NEK1: variants seen among roughly 807,000 people sequenced by gnomAD.
NEK1 encodes the protein NIMA related kinase 1, also known as serine/threonine-protein kinase Nek1.
Under a neutral mutation model 182.1 loss-of-function variants are expected in NEK1, and 137 were observed. The ratio of observed to expected loss-of-function variants is 0.75; its 90% CI spans 0.65 to 0.87. The LOEUF (loss-of-function observed/expected upper bound fraction) is 0.87, where lower values mean the gene tolerates loss of function less well. Ranked by LOEUF, NEK1 falls within the 40% of genes least tolerant of loss-of-function variation. NEK1 has a pLI of 0.00. For missense variants in NEK1, 1,391 were observed against 1,494.4 expected, an observed-to-expected ratio of 0.93 and a Z score of 1.14; for synonymous variants, 513 against 492.2, an observed-to-expected ratio of 1.04 and a Z score of -0.56.
rs765037444 is a variant in NEK1 at position 169,561,701 on chromosome 4, G to C, written c.1177C>G (p.Gln393Glu). 1.9e-6 allele frequency: 3 copies of C among 1,567,692 alleles called. No individual in the cohort carries two copies. Among genetic ancestry groups the C allele is most frequent in the African/African-American group, 2.7e-5 (2 of 73,386 alleles). ...TATCCTCTTACCCTTTCCTTTTCTTGCCTTTTCATTTGTTCAGCCTTCATT... is the reference window on the plus strand; with the variant it reads ...TATCCTCTTACCCTTTCCTTTTCTTCCCTTTTCATTTGTTCAGCCTTCATT... ...SLMKAEQMKRQEKERLERINR... is the reference protein window; with the variant it reads ...SLMKAEQMKREEKERLERINR... Residue 393 changes from glutamine to glutamate, a missense_variant, in exon 15 of 36, where the codon CAA (glutamine) becomes GAA (glutamate). This residue lies in a region of NEK1 where 1,216 missense variants were observed against 1,277.6 expected (regional missense o/e 0.95). Transcript: ENST00000507142.
intron 19 of NEK1, among the ~76,000 whole-genome samples, chr4:169,524,783 G>A (rs1446938281): frequency 6.6e-6 from 1 of 152,180 alleles, no homozygotes; most frequent in African/African-American, 2.4e-5. Context: ...ATGGAAAAAT[G>A]AAAAGGATAT....
chr4:169,555,987 C>T lies in NEK1; in HGVS notation c.1375G>A (p.Glu459Lys). ...IFDQMQQQRA[E>K]DNEAKWKREI... ...CTTTTCCATTTAGCTTCATTATCTTCTGCTCTTTGTTGCTGCATTTGGTCA... is the reference window on the plus strand; with the variant it reads ...CTTTTCCATTTAGCTTCATTATCTTTTGCTCTTTGTTGCTGCATTTGGTCA... Residue 459 changes from glutamate to lysine, a missense_variant, in exon 17 of 36, where the codon GAA (glutamate) becomes AAA (lysine). Transcript: ENST00000507142. The T allele has an allele frequency of 6.2e-7, 1 of 1,613,736 alleles. No homozygotes were observed. The highest frequency in any genetic ancestry group is 8.5e-7 in the Non-Finnish European group (1 of 1,179,792).
intron 5 of NEK1, 102 bp from the exon 6 acceptor site, chr4:169,590,911 G>A: frequency 2.6e-6 from 2 of 778,364 alleles, no homozygotes; most frequent in Non-Finnish European, 4.2e-6. Context: ...AGATATTTTA[G>A]GCTACAATTT....
chr4:169,437,153 T>C lies in NEK1; in HGVS notation c.2764+930A>G, dbSNP rs554247742. Among the ~76,000 whole-genome samples the C allele has an allele frequency of 1.8e-4, 28 of 152,306 alleles. No individual in the cohort carries two copies. In the South Asian group the frequency reaches 5.0e-3, roughly 27 times the overall value. On this transcript the variant is annotated intron_variant, in intron 28 of 35. Transcript: ENST00000507142. ...GACTGCTATCTGCTTCCCATCTTCC[T>C]TGTTTTCGAAAAGGTGTCCCAAAGG...
chr4:169,436,931 A>T (rs1738520096), intron 28 of NEK1, among the ~76,000 whole-genome samples: 1 of 152,262 alleles, frequency 6.6e-6, no homozygotes, highest in South Asian at 2.1e-4. Flanking sequence ...TGTTAACCAC[A>T]GTGAGTATCA....
chr4:169,395,435 C>T (rs1328163092), intron 35 of NEK1, among the ~76,000 whole-genome samples: 1 of 152,174 alleles, frequency 6.6e-6, no homozygotes, highest in Non-Finnish European at 1.5e-5. Flanking sequence ...TTCCCTACTA[C>T]ATTTTGCATA....
At position 169,400,666 on chromosome 4, in the gene NEK1, T is replaced by C; in HGVS notation, c.3584-15A>G. On this transcript the variant is annotated splice_polypyrimidine_tract_variant and intron_variant, in intron 33 of 35. Coordinates refer to ENST00000507142, the MANE Select transcript of NEK1 (RefSeq NM_001199397.3). ...ATCACTGTTATCTAAAAAACAAAAT[T>C]AAAATAGAGATTTGATTTAAAAAGA... The C allele has an allele frequency of 6.5e-7, 1 of 1,540,516 alleles. No individual in the cohort carries two copies. Among genetic ancestry groups the C allele is most frequent in the South Asian group, 1.2e-5 (1 of 80,882 alleles).
chr4:169,470,833 T>C (rs966700830), intron 26 of NEK1, among the ~76,000 whole-genome samples: 10 of 152,204 alleles, frequency 6.6e-5, no homozygotes, highest in Non-Finnish European at 1.5e-4. Flanking sequence ...TTCATTCTTT[T>C]TTCTCTAATC....
At position 169,537,825 on chromosome 4, in the gene NEK1, C is replaced by G; in HGVS notation, c.1649G>C (p.Arg550Pro). The stretch of plus-strand genomic sequence containing the variant: ...AATTCATACCATATGTCCTTCGGCT[C>G]GAGCTTTATTCTGCATAGCTTCCCG... Reference protein sequence around the residue: ...RKREAMQNKARAEGHMGILQN... With the variant: ...RKREAMQNKAPAEGHMGILQN... The change falls in exon 19 of 36, where the codon CGA (arginine) becomes CCA (proline). Residue 550 changes from arginine to proline, a missense_variant. Arg to Pro is a moderately radical substitution (Grantham distance 103). Coordinates refer to ENST00000507142, the MANE Select transcript of NEK1 (RefSeq NM_001199397.3). 1.9e-6 allele frequency: 3 copies of G among 1,612,698 alleles called. No homozygotes were observed. The highest frequency in any genetic ancestry group is 2.7e-5 in the African/African-American group (2 of 74,998).
chr4:169,543,462 T>C (rs925762946), intron 18 of NEK1, among the ~76,000 whole-genome samples: 1 of 152,204 alleles, frequency 6.6e-6, no homozygotes, highest in Non-Finnish European at 1.5e-5. Context: ...TTGTCTTGGC[T>C]ATGTGGGCTC....
chr4:169,492,902 C>T (rs1750380798), intron 23 of NEK1, among the ~76,000 whole-genome samples: 1 of 152,192 alleles, frequency 6.6e-6, no homozygotes, highest in African/African-American at 2.4e-5. Context: ...CTGAAGGGGG[C>T]AGCGCCAATG....
chr4:169,538,697 G>A (rs1758890423), intron 18 of NEK1, among the ~76,000 whole-genome samples: 1 of 152,080 alleles, frequency 6.6e-6, no homozygotes, highest in Non-Finnish European at 1.5e-5. Context: ...TGGAGGTAAG[G>A]AAGAAAGATG....
intron 18 of NEK1, among the ~76,000 whole-genome samples, chr4:169,545,302 T>G (rs1022044033): frequency 6.7e-6 from 1 of 149,872 alleles, no homozygotes; most frequent in African/African-American, 2.5e-5. Flanking sequence ...GAATATGCAG[T>G]GTTTGGTTTT....
chr4:169,488,021 T>G (rs1749357342), intron 23 of NEK1, among the ~76,000 whole-genome samples: 1 of 152,136 alleles, frequency 6.6e-6, no homozygotes, highest in East Asian at 1.9e-4. Flanking sequence ...AATGGACATT[T>G]TTGTTTTTTT....
intron 12 of NEK1, among the ~76,000 whole-genome samples, chr4:169,572,990 G>A (rs1431405727): frequency 6.6e-6 from 1 of 152,162 alleles, no homozygotes; most frequent in Non-Finnish European, 1.5e-5. Context: ...TAGTTGGAAG[G>A]ACATAAGGGA....
chr4:169,410,833 A>C (rs1339792688), intron 31 of NEK1, among the ~76,000 whole-genome samples: 1 of 152,074 alleles, frequency 6.6e-6, no homozygotes, highest in East Asian at 1.9e-4. Flanking sequence ...TTTTTGTCCC[A>C]CTCCCTATCC....
intron 31 of NEK1, among the ~76,000 whole-genome samples, chr4:169,408,940 T>A (rs764281225): frequency 6.6e-6 from 1 of 152,160 alleles, no homozygotes; most frequent in Non-Finnish European, 1.5e-5. Flanking sequence ...CATGGGTGTG[T>A]GTGTGTCTTT....
At chr4:169,459,665 T>C (rs187046639) in intron 27 of NEK1, among the ~76,000 whole-genome samples, 1 of 152,314 alleles carries the variant, frequency 6.6e-6, no homozygotes, top group Admixed American at 6.5e-5. Context: ...ATAAATAAAC[T>C]GTGGCACATC....
intron 35 of NEK1, chr4:169,400,001 G>A: frequency 1.9e-6 from 1 of 531,408 alleles, no homozygotes; most frequent in Non-Finnish European, 3.3e-6. Context: ...AAGGTTACTT[G>A]TAAATTAAAT....
Sources: gnomAD v4.1 joint callset for allele counts (sites outside exome capture counted in the v4.1 genomes callset) on GRCh38, gnomAD v4.1.1 for gene constraint, gnomAD v4.1.1 regional missense constraint, MANE v1.5 for transcripts, NCBI Gene and HGNC (gene_info 2026-07-23, HGNC 2026-07-21) for gene names.